The following LOC128125822 variants were observed in gnomAD, a reference collection of about 807,000 sequenced individuals.
the LOC128125822 span, among the ~76,000 whole-genome samples, chr6:63,575,216 A>T: frequency 9.7e-4 from 148 of 152,348 alleles, no homozygotes; most frequent in Non-Finnish European, 1.1e-3. Flanking sequence ...AAATTTAAGC[A>T]TGGAAACTAA....
At chr6:63,575,484 T>A in the LOC128125822 span, among the ~76,000 whole-genome samples, 1 of 152,210 alleles carries the variant, frequency 6.6e-6, no homozygotes, top group East Asian at 1.9e-4. Flanking sequence ...GGTTTAGTTC[T>A]TAAGGGGGAA....
the LOC128125822 span, among the ~76,000 whole-genome samples, chr6:63,573,875 G>C: frequency 6.6e-6 from 1 of 152,184 alleles, no homozygotes. Flanking sequence ...AAGGGCCCTG[G>C]ATGGCGCCTT....
chr6:63,579,765 A>G, the LOC128125822 span, among the ~76,000 whole-genome samples: 2 of 152,216 alleles, frequency 1.3e-5, no homozygotes, highest in Non-Finnish European at 1.5e-5. Context: ...ACCAGAGGCA[A>G]CTTCTGACTT....
chr6:63,574,421 G>A, the LOC128125822 span, among the ~76,000 whole-genome samples: 2 of 152,186 alleles, frequency 1.3e-5, no homozygotes, highest in Non-Finnish European at 2.9e-5. Context: ...ATTGGGAATG[G>A]AGGAGTGTCT....
the LOC128125822 span, chr6:63,576,786 A>G: frequency 1.1e-5 from 10 of 931,558 alleles, no homozygotes; most frequent in Admixed American, 2.4e-5. Context: ...CAAGTGGAGT[A>G]TATTGAAGTA....
the LOC128125822 span, chr6:63,579,455 G>A: frequency 1.3e-5 from 8 of 629,042 alleles, no homozygotes; most frequent in East Asian, 2.3e-4. Flanking sequence ...ATTAAAACCA[G>A]GAAATCAAGA....
chr6:63,576,177 T>C, the LOC128125822 span, among the ~76,000 whole-genome samples: 10 of 151,138 alleles, frequency 6.6e-5, no homozygotes, highest in Non-Finnish European at 1.2e-4. Flanking sequence ...AATGTAACAA[T>C]GGGTTTGGTT....
At chr6:63,580,465 A>T in the LOC128125822 span, 3 of 265,212 alleles carry the variant, frequency 1.1e-5, no homozygotes, top group Non-Finnish European at 2.2e-5. Context: ...ATGACTTGTT[A>T]AATCTATTCC....
At chr6:63,572,521 C>G in the LOC128125822 span, 1 of 390,702 alleles carries the variant, frequency 2.6e-6, no homozygotes, top group Non-Finnish European at 4.5e-6. Context: ...CGGGCCGGCT[C>G]GGCTACGCGC....
At chr6:63,582,409 ATTTAC>A in the LOC128125822 span, 1 of 152,518 alleles carries the variant, frequency 6.6e-6, no homozygotes, top group African/African-American at 2.4e-5. Flanking sequence ...AAATAAATTA[ATTTAC>A]TTTATAAACC....
At chr6:63,573,140 C>G in the LOC128125822 span, 1 of 158,370 alleles carries the variant, frequency 6.3e-6, no homozygotes, top group African/African-American at 2.4e-5. Context: ...GCATGGCAGG[C>G]TCCGCGGCGT....
chr6:63,581,627 T>C, the LOC128125822 span: 8 of 152,276 alleles, frequency 5.3e-5, no homozygotes, highest in Non-Finnish European at 8.8e-5. Flanking sequence ...AAAACTTTAA[T>C]ACTAAAAGCA....
the LOC128125822 span, among the ~76,000 whole-genome samples, chr6:63,575,818 C>T: frequency 6.6e-6 from 1 of 151,932 alleles, no homozygotes; most frequent in African/African-American, 2.4e-5. Flanking sequence ...GGAATGATAA[C>T]AGATTGTTAA....
At chr6:63,575,753 T>G in the LOC128125822 span, among the ~76,000 whole-genome samples, 2 of 152,190 alleles carry the variant, frequency 1.3e-5, no homozygotes. Context: ...TCTTATGATA[T>G]TTCACATAAC....
the LOC128125822 span, among the ~76,000 whole-genome samples, chr6:63,576,105 G>A: frequency 6.0e-5 from 9 of 149,560 alleles, no homozygotes; most frequent in Non-Finnish European, 1.2e-4. Context: ...TATATAGATA[G>A]TATATATACA....
chr6:63,579,943 C>T, the LOC128125822 span: 3 of 743,146 alleles, frequency 4.0e-6, no homozygotes, highest in Non-Finnish European at 6.9e-6. Flanking sequence ...AGGTCACAGC[C>T]TAATTAATCA....
the LOC128125822 span, among the ~76,000 whole-genome samples, chr6:63,576,111 A>G: frequency 6.7e-6 from 1 of 149,966 alleles, no homozygotes. Context: ...GATAGTATAT[A>G]TACAGAGAAT....
chr6:63,581,223 A>G, the LOC128125822 span: 1 of 152,488 alleles, frequency 6.6e-6, no homozygotes, highest in Non-Finnish European at 1.5e-5. Context: ...CTAATATTTT[A>G]TATGCCTTTT....
chr6:63,574,798 G>A, the LOC128125822 span, among the ~76,000 whole-genome samples: 844 of 152,250 alleles, frequency 5.5e-3, 6 homozygotes, highest in African/African-American at 0.019. Flanking sequence ...TTCTACGGAG[G>A]TTGTATTTAG....
Sources: gnomAD v4.1 joint callset for allele counts (sites outside exome capture counted in the v4.1 genomes callset) on GRCh38, gnomAD v4.1.1 for gene constraint, MANE v1.5 for transcripts.